The following CTNND2 variants were observed in gnomAD, a reference collection of about 807,000 sequenced individuals.
The protein encoded by CTNND2 is catenin delta-2.
In CTNND2, 22 loss-of-function variants were observed where a neutral mutation model predicts 144.4. The observed-to-expected ratio is 0.15, with a 90% confidence interval of 0.11 to 0.22. The LOEUF (loss-of-function observed/expected upper bound fraction) is 0.22. CTNND2 is among the 10% of genes least tolerant of loss of function. The probability of loss-of-function intolerance (pLI) is 1.00; values close to 1 mark genes in which losing one functional copy is unlikely to be tolerated. For missense variants in CTNND2, 1,353 were observed against 1,618.8 expected, an observed-to-expected ratio of 0.84 and a Z score of 2.82; for synonymous variants, 751 against 695.6, an observed-to-expected ratio of 1.08 and a Z score of -1.25.
chr5:11,369,679 A>G (rs536991847), intron 7 of CTNND2, among the ~76,000 whole-genome samples: 2 of 152,346 alleles, frequency 1.3e-5, no homozygotes, highest in Admixed American at 6.5e-5. Context: ...CTTTGAAAAT[A>G]AGTTATTACA....
chr5:11,794,360 C>A (rs536941271), intron 1 of CTNND2, among the ~76,000 whole-genome samples: 1 of 152,144 alleles, frequency 6.6e-6, no homozygotes, highest in South Asian at 2.1e-4. Context: ...GGTGTATCAA[C>A]GTGAAACACA....
chr5:11,162,883 C>G (rs1758916252), intron 11 of CTNND2, among the ~76,000 whole-genome samples: 1 of 103,700 alleles, frequency 9.6e-6, no homozygotes, highest in Non-Finnish European at 1.9e-5. Flanking sequence ...ATCTTTCCTG[C>G]TACACACACA....
chr5:11,327,691 A>C (rs1404613957), intron 9 of CTNND2, among the ~76,000 whole-genome samples: 1 of 152,198 alleles, frequency 6.6e-6, no homozygotes, highest in African/African-American at 2.4e-5. Context: ...TTGGTTTCTA[A>C]CTTCTGCAAT....
At chr5:11,642,805 C>T (rs1355227919) in intron 2 of CTNND2, among the ~76,000 whole-genome samples, 2 of 152,348 alleles carry the variant, frequency 1.3e-5, no homozygotes, top group South Asian at 2.1e-4. Flanking sequence ...ATAAAATACT[C>T]CTCAACCCCT....
intron 2 of CTNND2, among the ~76,000 whole-genome samples, chr5:11,632,194 C>G (rs750242440): frequency 6.6e-6 from 1 of 152,126 alleles, no homozygotes; most frequent in Non-Finnish European, 1.5e-5. Flanking sequence ...GTAGTTGGAA[C>G]AATTCTCAGA....
At chr5:11,240,585 TACTC>T (rs1490010911) in intron 9 of CTNND2, among the ~76,000 whole-genome samples, 3 of 45,110 alleles carry the variant, frequency 6.7e-5, no homozygotes, top group Non-Finnish European at 1.3e-4. Context: ...AACACACACA[TACTC>T]AGCACACACA....
chr5:11,334,506 T>C (rs768569829), intron 9 of CTNND2, among the ~76,000 whole-genome samples: 3 of 152,230 alleles, frequency 2.0e-5, no homozygotes, highest in Non-Finnish European at 4.4e-5. Context: ...GCTGATTTCA[T>C]ATCTGTCTTT....
intron 9 of CTNND2, among the ~76,000 whole-genome samples, chr5:11,330,889 C>T (rs1167419037): frequency 1.3e-5 from 2 of 151,926 alleles, no homozygotes; most frequent in African/African-American, 4.8e-5. Flanking sequence ...GTTTAGCAAA[C>T]ATACGCAGTG....
chr5:11,866,689 A>T (rs1305233704), intron 1 of CTNND2, among the ~76,000 whole-genome samples: 1 of 152,256 alleles, frequency 6.6e-6, no homozygotes, highest in Non-Finnish European at 1.5e-5. Context: ...CTACAAACAG[A>T]AAAGCTTTTG....
At chr5:11,036,086 G>C (rs1220177053) in intron 16 of CTNND2, among the ~76,000 whole-genome samples, 1 of 151,880 alleles carries the variant, frequency 6.6e-6, no homozygotes, top group Admixed American at 6.6e-5. Flanking sequence ...AAGAACAAGA[G>C]CTTCTTTTGT....
chr5:11,844,813 C>T (rs1009545060), intron 1 of CTNND2, among the ~76,000 whole-genome samples: 1 of 152,102 alleles, frequency 6.6e-6, no homozygotes, highest in Non-Finnish European at 1.5e-5. Flanking sequence ...TCCATATATA[C>T]TAAGTCACAT....
chr5:11,879,341 G>GTGTGTA, intron 1 of CTNND2, among the ~76,000 whole-genome samples: 1 of 109,334 alleles, frequency 9.1e-6, no homozygotes, highest in Non-Finnish European at 2.0e-5. Context: ...TTAAATGTGT[G>GTGTGTA]TATATATATA....
intron 12 of CTNND2, among the ~76,000 whole-genome samples, chr5:11,120,283 TACATATA>T (rs1753957775): frequency 6.6e-6 from 1 of 151,584 alleles, no homozygotes. Flanking sequence ...AGGCTCAGTA[TACATATA>T]GACTTCAAGA....
chr5:11,677,186 C>T (rs879365431), intron 2 of CTNND2, among the ~76,000 whole-genome samples: 5 of 152,190 alleles, frequency 3.3e-5, no homozygotes, highest in Non-Finnish European at 7.4e-5. Context: ...TGTGTCTCAG[C>T]CAATCACAGT....
chr5:11,825,986 C>T (rs889344298), intron 1 of CTNND2, among the ~76,000 whole-genome samples: 1 of 151,720 alleles, frequency 6.6e-6, no homozygotes, highest in African/African-American at 2.4e-5. Flanking sequence ...CAACGTAAGG[C>T]ATAATAAGGG....
intron 3 of CTNND2, among the ~76,000 whole-genome samples, chr5:11,539,308 T>C (rs956224440): frequency 6.6e-6 from 1 of 152,178 alleles, no homozygotes; most frequent in Admixed American, 6.5e-5. Context: ...GACTGAATTC[T>C]GGGTGGCAGG....
intron 3 of CTNND2, among the ~76,000 whole-genome samples, chr5:11,518,637 A>C (rs1301061795): frequency 6.6e-6 from 1 of 152,148 alleles, no homozygotes. Flanking sequence ...TTTTTAAAAA[A>C]ATCTTTTATA....
At chr5:11,732,746 C>T (rs755791409) in intron 1 of CTNND2, among the ~76,000 whole-genome samples, 12 of 152,038 alleles carry the variant, frequency 7.9e-5, no homozygotes, top group Non-Finnish European at 1.5e-4. Flanking sequence ...TGTGATGGTA[C>T]TGGGTGTGTC....
chr5:11,805,342 C>T (rs1430442712), intron 1 of CTNND2, among the ~76,000 whole-genome samples: 5 of 152,074 alleles, frequency 3.3e-5, no homozygotes, highest in Non-Finnish European at 7.4e-5. Flanking sequence ...TATCAACTGA[C>T]AGTCTAAAAA....
Sources: gnomAD v4.1 joint callset for allele counts (sites outside exome capture counted in the v4.1 genomes callset) on GRCh38, gnomAD v4.1.1 for gene constraint, MANE v1.5 for transcripts, NCBI Gene and HGNC (gene_info 2026-07-23, HGNC 2026-07-21) for gene names.